The following ROS1 variants were observed in gnomAD, a reference collection of about 807,000 sequenced individuals.
ROS1 encodes the protein proto-oncogene tyrosine-protein kinase ROS.
Under a neutral mutation model 273.5 loss-of-function variants are expected in ROS1, and 263 were observed. The ratio of observed to expected loss-of-function variants is 0.96; its 90% CI spans 0.87 to 1.06. The LOEUF is 1.06. Among genes scored for constraint, ROS1 ranks in the 50% least tolerant of loss-of-function variants. ROS1 has a pLI of 0.00. For missense variants in ROS1, 2,833 were observed against 2,751.1 expected (o/e 1.03, Z -0.67); for synonymous variants, 1,008 against 954.1 (o/e 1.06, Z -1.04).
chr6:117,343,830 G>A (rs1242148175), intron 28 of ROS1, among the ~76,000 whole-genome samples: 1 of 152,096 alleles, frequency 6.6e-6, no homozygotes. Flanking sequence ...TCAGAAAACG[G>A]TTACCATGGC....
chr6:117,306,217 G>A (rs1163784546), intron 42 of ROS1, among the ~76,000 whole-genome samples: 1 of 152,036 alleles, frequency 6.6e-6, no homozygotes, highest in Non-Finnish European at 1.5e-5. Flanking sequence ...ATAAAATACA[G>A]CCTTCAAGAT....
Position 117,310,162 on chromosome 6 carries a change from C to G in ROS1, c.6335G>C (p.Arg2112Thr). ...CCGAACTGGGAGCAGGCCTTCCCCTCTCTTTCTATAGTAATCATTTTTATA... is the reference window on the plus strand; with the variant it reads ...CCGAACTGGGAGCAGGCCTTCCCCTGTCTTTCTATAGTAATCATTTTTATA... ...DIYKNDYYRK[R>T]GEGLLPVRWM... The change falls in exon 41 of 44, where the codon AGA (arginine) becomes ACA (threonine). Residue 2112 changes from arginine to threonine, a missense_variant. Coordinates refer to ENST00000368507, the MANE Select transcript of ROS1 (RefSeq NM_001378902.1). 2.5e-6 allele frequency: 4 copies of G among 1,613,522 alleles called. No individual in the cohort carries two copies. Among genetic ancestry groups the G allele is most frequent in the Non-Finnish European group, 3.4e-6 (4 of 1,179,666 alleles).
In ROS1 at chr6:117,381,183, G is replaced by GTTTT. The variant is rs752612391; in HGVS notation, c.2482-2028_2482-2025dup. ...CCTGGGAGAGGATTTGCAGAGGACT[G>GTTTT]TTTTTTTTTTTTTTTGGTTAATTTC... On this transcript the variant is annotated intron_variant, in intron 17 of 43. Transcript: ENST00000368507. Among the ~76,000 whole-genome samples, 328 of 118,524 alleles carry GTTTT rather than the reference G, an allele frequency of 2.8e-3. 2 individuals carry two copies. Among genetic ancestry groups the GTTTT allele is most frequent in the African/African-American group, 9.7e-3 (318 of 32,810 alleles). The allele number at this position is 118,524 out of a possible 152,430, so 77.8% of individuals were successfully genotyped here.
At chr6:117,296,283 C>A (rs554673705) in intron 43 of ROS1, among the ~76,000 whole-genome samples, 2 of 152,196 alleles carry the variant, frequency 1.3e-5, no homozygotes, top group East Asian at 3.9e-4. Flanking sequence ...TGCCTGTAGT[C>A]CCAGCTACTC....
intron 33 of ROS1, chr6:117,328,722 T>C: frequency 1.6e-6 from 1 of 613,912 alleles, no homozygotes; most frequent in Admixed American, 1.8e-5. Context: ...TCAGTCCTTC[T>C]AAGCCAGTTA....
intron 43 of ROS1, among the ~76,000 whole-genome samples, chr6:117,293,244 T>C (rs1773969675): frequency 6.6e-6 from 1 of 152,176 alleles, no homozygotes. Flanking sequence ...GAATGCTCAT[T>C]TCCTGGATTC....
intron 12 of ROS1, 75 bp downstream of exon 12, chr6:117,393,149 C>T (rs1048743776): frequency 1.1e-6 from 1 of 893,448 alleles, no homozygotes; most frequent in African/African-American, 1.7e-5. Flanking sequence ...TACAATGTTT[C>T]ATTAGCAAGC....
At chr6:117,389,038 T>G (rs1772830243) in intron 13 of ROS1, among the ~76,000 whole-genome samples, 1 of 152,172 alleles carries the variant, frequency 6.6e-6, no homozygotes, top group Non-Finnish European at 1.5e-5. Context: ...GCACAAAAAA[T>G]CTCAACCCAA....
At chr6:117,395,462 G>C (rs1204788351) in intron 9 of ROS1, among the ~76,000 whole-genome samples, 1 of 152,160 alleles carries the variant, frequency 6.6e-6, no homozygotes, top group Non-Finnish European at 1.5e-5. Context: ...GGCATGTACA[G>C]ATTAGAGTAA....
intron 4 of ROS1, among the ~76,000 whole-genome samples, chr6:117,414,093 A>G (rs1484067411): frequency 6.6e-6 from 1 of 152,160 alleles, no homozygotes; most frequent in South Asian, 2.1e-4. Flanking sequence ...TTCTCTTTTA[A>G]TGTCCTATAT....
chr6:117,326,345 A>G lies in ROS1; in HGVS notation c.5418T>C (p.Ser1806=), dbSNP rs1776643916. 3 of 1,593,642 alleles carry G rather than the reference A, an allele frequency of 1.9e-6. No individual in the cohort carries two copies. The South Asian group carries it at 3.5e-5, about 18-fold the overall frequency. ...TTTTGGACTTCCATGTGCAAACACT[A>G]CTGCAGGATCCATTAAATGTCATCT... is the stretch of plus-strand genomic sequence containing the variant. ...RWKMTFNGSC[S]SVCTWKSKNL... is the part of the protein sequence containing the mutation. The change falls in exon 34 of 44, where the codon AGT becomes AGC. Residue 1806 remains serine (S), a synonymous_variant. Transcript: ENST00000368507.
intron 24 of ROS1, among the ~76,000 whole-genome samples, chr6:117,358,545 C>T (rs927934072): frequency 7.9e-5 from 12 of 151,792 alleles, no homozygotes; most frequent in African/African-American, 1.9e-4. Context: ...CTGAAACCTT[C>T]GCCTCCTGGG....
In ROS1 at chr6:117,425,686, C is replaced by A. The variant is rs1458544419; in HGVS notation, c.-30G>T. The A allele has an allele frequency of 6.2e-7, 1 of 1,607,694 alleles. No individual in the cohort carries two copies. The highest frequency in any genetic ancestry group is 8.5e-7 in the Non-Finnish European group (1 of 1,177,192). The stretch of plus-strand genomic sequence containing the variant: ...TCACCAATGGCAGATTTTTAGATGG[C>A]CGGTCTAATTTTCTCCATTTTGCTA... On this transcript the variant is annotated 5_prime_UTR_variant, in exon 1 of 44. Transcript: ENST00000368507.
chr6:117,394,935 G>T (rs1250600156), intron 9 of ROS1, among the ~76,000 whole-genome samples, 197 bp from the exon 10 acceptor site: 3 of 152,208 alleles, frequency 2.0e-5, no homozygotes, highest in Non-Finnish European at 4.4e-5. Context: ...AGGAAGTACA[G>T]TAACAATCAA....
chr6:117,320,625 A>C (rs558084860), intron 36 of ROS1, among the ~76,000 whole-genome samples: 1 of 152,292 alleles, frequency 6.6e-6, no homozygotes, highest in Non-Finnish European at 1.5e-5. Flanking sequence ...ATTTGCTCAA[A>C]GGAAAGTCAC....
chr6:117,425,174 G>A (rs893068846), intron 1 of ROS1, among the ~76,000 whole-genome samples: 1 of 152,090 alleles, frequency 6.6e-6, no homozygotes, highest in African/African-American at 2.4e-5. Context: ...TTATCCTGTG[G>A]CCAAACCGAT....
In ROS1 at chr6:117,310,083, T is replaced by C. The variant is rs116038831; in HGVS notation, c.6414A>G (p.Val2138=). 1.9e-6 allele frequency: 3 copies of C among 1,612,250 alleles called. No individual in the cohort carries two copies. In the African/African-American group the frequency reaches 4.0e-5, roughly 22 times the overall value. The change falls in exon 41 of 44, where the codon GTA becomes GTG. Residue 2138 remains valine (V), a splice_region_variant and synonymous_variant. Transcript: ENST00000368507. The part of the protein sequence containing the change: ...MDGIFTTQSD[V]WSFGILIWEI... ...ACTCTGTGTCCCGTTAAACTTACCA[T>C]ACATCAGATTGAGTAGTGAAGATTC... is the stretch of plus-strand genomic sequence containing the variant.
chr6:117,369,713 T>C (rs572509449), intron 18 of ROS1, among the ~76,000 whole-genome samples: 2 of 152,334 alleles, frequency 1.3e-5, no homozygotes, highest in Admixed American at 1.3e-4. Flanking sequence ...AGATTGTCAG[T>C]ACCTTAAGTT....
chr6:117,385,099 C>G (rs1374962124), intron 16 of ROS1, among the ~76,000 whole-genome samples: 1 of 152,184 alleles, frequency 6.6e-6, no homozygotes, highest in Non-Finnish European at 1.5e-5. Context: ...AGTCTCTTCA[C>G]TTAGTTGCCT....
Sources: allele counts gnomAD v4.1 joint callset (sites outside exome capture counted in the v4.1 genomes callset), GRCh38; gene constraint gnomAD v4.1.1; transcripts MANE v1.5; gene names NCBI Gene and HGNC (gene_info 2026-07-23, HGNC 2026-07-21).